The following DZANK1 variants were observed in gnomAD, a reference collection of about 807,000 sequenced individuals.
DZANK1 encodes the protein double zinc ribbon and ankyrin repeat-containing protein 1.
DZANK1 carries 91 observed loss-of-function variants against 94.5 expected under a neutral mutation model. The observed-to-expected ratio is 0.96, with a 90% CI of 0.81 to 1.15. The LOEUF (loss-of-function observed/expected upper bound fraction) is 1.15, where lower values mean the gene tolerates loss of function less well. DZANK1 is among the 50% of genes most tolerant of loss of function. The probability of loss-of-function intolerance (pLI) is 0.00; values close to 1 mark genes in which losing one functional copy is unlikely to be tolerated. For synonymous variants in DZANK1, 312 were observed against 325.3 expected (o/e 0.96, Z 0.44); for missense variants, 903 against 916.4 (o/e 0.99, Z 0.19).
chr20:18,458,562 G>T (rs1475545754), intron 3 of DZANK1, among the ~76,000 whole-genome samples: 1 of 152,214 alleles, frequency 6.6e-6, no homozygotes, highest in African/African-American at 2.4e-5. Flanking sequence ...AGATATAGAT[G>T]ATCTTTTAGA....
intron 19 of DZANK1, among the ~76,000 whole-genome samples, chr20:18,388,088 T>C (rs942222332): frequency 2.0e-5 from 3 of 152,174 alleles, no homozygotes; most frequent in Non-Finnish European, 4.4e-5. Context: ...CTTGGCAGAA[T>C]GTGGCTCTCA....
intron 10 of DZANK1, among the ~76,000 whole-genome samples, chr20:18,422,943 A>G (rs980295867): frequency 1.1e-4 from 16 of 151,682 alleles, no homozygotes; most frequent in Admixed American, 5.3e-4. Context: ...ATCTCTCTTT[A>G]GGTATTATGG....
chr20:18,455,757 A>C (rs985040237), intron 3 of DZANK1, among the ~76,000 whole-genome samples: 3 of 152,172 alleles, frequency 2.0e-5, no homozygotes, highest in African/African-American at 7.2e-5. Context: ...TGGAACAGCT[A>C]GGGGCTCGCC....
At chr20:18,455,752 C>T (rs145978824) in intron 3 of DZANK1, among the ~76,000 whole-genome samples, 1 of 152,154 alleles carries the variant, frequency 6.6e-6, no homozygotes, top group Non-Finnish European at 1.5e-5. Context: ...GTAACTGGAA[C>T]AGCTAGGGGC....
exon 16 of DZANK1, chr20:18,394,295 G>C (rs756320782): frequency 6.2e-7 from 1 of 1,613,790 alleles, no homozygotes; most frequent in South Asian, 1.1e-5. Flanking sequence ...ATCACCCTCG[G>C]CAGCACTGCT....
chr20:18,458,213 T>C (rs1838713227), intron 3 of DZANK1, among the ~76,000 whole-genome samples: 1 of 152,268 alleles, frequency 6.6e-6, no homozygotes, highest in Admixed American at 6.5e-5. Flanking sequence ...GCTCAACTTT[T>C]ATATTTCTTA....
intron 9 of DZANK1, chr20:18,433,411 G>A (rs2058364141): frequency 4.5e-6 from 2 of 442,310 alleles, no homozygotes; most frequent in East Asian, 4.7e-5. Flanking sequence ...GCGTGGTGGT[G>A]CACGCCTGTA....
chr20:18,452,059 C>T, intron 6 of DZANK1: 1 of 319,304 alleles, frequency 3.1e-6, no homozygotes, highest in South Asian at 2.2e-5. Context: ...CCGTTAGAAT[C>T]ATTTAGGGGT....
At chr20:18,463,234 T>C (rs777068479) in intron 2 of DZANK1, among the ~76,000 whole-genome samples, 16 of 152,254 alleles carry the variant, frequency 1.1e-4, no homozygotes, top group African/African-American at 3.1e-4. Context: ...TTGGAGGTCA[T>C]AATCCTAAGC....
intron 5 of DZANK1, among the ~76,000 whole-genome samples, chr20:18,453,390 C>T (rs1481131997): frequency 1.3e-5 from 2 of 152,156 alleles, no homozygotes; most frequent in South Asian, 2.1e-4. Context: ...AGACCAGCTT[C>T]GCTTTGAGAC....
At chr20:18,432,185 T>C (rs2058312303) in intron 9 of DZANK1, among the ~76,000 whole-genome samples, 1 of 152,298 alleles carries the variant, frequency 6.6e-6, no homozygotes, top group South Asian at 2.1e-4. Flanking sequence ...TGATATTATA[T>C]ATATTGAGTT....
chr20:18,394,730 C>A, intron 15 of DZANK1: 2 of 472,136 alleles, frequency 4.2e-6, no homozygotes, highest in Non-Finnish European at 8.5e-6. Context: ...CCTTCAATGT[C>A]TTGGAATTAG....
chr20:18,401,470 C>A (rs2148327828), intron 13 of DZANK1, among the ~76,000 whole-genome samples: 1 of 152,352 alleles, frequency 6.6e-6, no homozygotes, highest in Middle Eastern at 3.4e-3. Flanking sequence ...CACTTTACTG[C>A]CCATACTTCT....
At chr20:18,455,390 G>C in intron 3 of DZANK1, 29 bp from the exon 4 acceptor site, 1 of 1,501,416 alleles carries the variant, frequency 6.7e-7, no homozygotes, top group East Asian at 2.4e-5. Flanking sequence ...AAAGGAAAAA[G>C]TCTGTGTTAC....
chr20:18,451,722 A>G (rs2059108472), intron 6 of DZANK1: 2 of 395,960 alleles, frequency 5.1e-6, no homozygotes, highest in South Asian at 4.0e-5. Flanking sequence ...TCATCTCCAG[A>G]TACTCAGGAC....
chr20:18,385,017 C>G, exon 20 of DZANK1: 2 of 1,552,648 alleles, frequency 1.3e-6, no homozygotes, highest in Non-Finnish European at 1.7e-6. Flanking sequence ...GGGACATACC[C>G]CAGTAAAGTG....
intron 10 of DZANK1, 47 bp downstream of exon 10, chr20:18,427,020 G>T: frequency 1.5e-6 from 2 of 1,371,202 alleles, no homozygotes; most frequent in South Asian, 2.6e-5. Flanking sequence ...CATTAACATT[G>T]ACATAGTAGC....
chr20:18,413,148 G>A (rs1465837330), intron 12 of DZANK1: 2 of 440,206 alleles, frequency 4.5e-6, no homozygotes, highest in African/African-American at 2.0e-5. Context: ...TAATCCAATA[G>A]AGCATAGACT....
At chr20:18,396,324 T>C (rs2056339924) in intron 15 of DZANK1, 148 bp downstream of exon 15, 1 of 609,418 alleles carries the variant, frequency 1.6e-6, no homozygotes, top group African/African-American at 1.9e-5. Flanking sequence ...CTTGTTTATC[T>C]AATTCTATGA....
Sources: allele counts gnomAD v4.1 joint callset (sites outside exome capture counted in the v4.1 genomes callset), GRCh38; gene constraint gnomAD v4.1.1; transcripts MANE v1.5; gene names NCBI Gene and HGNC (gene_info 2026-07-23, HGNC 2026-07-21).